BMPER: variants seen among roughly 807,000 people sequenced by gnomAD.
The protein encoded by BMPER is BMP-binding endothelial regulator protein.
Under a neutral mutation model 87.3 loss-of-function variants are expected in BMPER, and 45 were observed. That is an observed-to-expected ratio of 0.52 (90% CI 0.41 to 0.66). The LOEUF (loss-of-function observed/expected upper bound fraction) is 0.66. Among genes scored for constraint, BMPER ranks in the 30% least tolerant of loss-of-function variants. The probability of loss-of-function intolerance (pLI) is 0.00; values close to 1 mark genes in which losing one functional copy is unlikely to be tolerated. For missense variants in BMPER, 784 were observed against 867.5 expected (o/e 0.90, Z 1.21); for synonymous variants, 326 against 316.2 (o/e 1.03, Z -0.33).
intron 13 of BMPER, among the ~76,000 whole-genome samples, chr7:34,117,692 T>C (rs1790152875): frequency 6.6e-6 from 1 of 152,186 alleles, no homozygotes; most frequent in South Asian, 2.1e-4. Flanking sequence ...CTCTGAAAAG[T>C]TTTTGCGTAG....
chr7:34,113,977 G>A (rs760194005), intron 13 of BMPER, among the ~76,000 whole-genome samples: 1 of 152,232 alleles, frequency 6.6e-6, no homozygotes, highest in South Asian at 2.1e-4. Flanking sequence ...TATTGGTGCC[G>A]TCTTCTCTCT....
intron 13 of BMPER, among the ~76,000 whole-genome samples, chr7:34,105,892 C>A (rs1477849632): frequency 1.3e-5 from 2 of 152,178 alleles, no homozygotes; most frequent in Non-Finnish European, 2.9e-5. Context: ...CCCAAGGTGG[C>A]CCAGTCTATT....
Position 34,014,616 on chromosome 7 carries a change from T to C in BMPER, c.577-31690T>C, listed in dbSNP as rs190630285. Among the ~76,000 whole-genome samples, 301 of 151,974 alleles carry C rather than the reference T, an allele frequency of 2.0e-3. 1 individual carries two copies. Among genetic ancestry groups the C allele is most frequent in the African/African-American group, 6.2e-3 (259 of 41,506 alleles). ...CAGGACCGTGGAGTGTGGAATTTCCTCCCCATCTGGGGAGATTCAGGCCCT... is the reference window on the plus strand; with the variant it reads ...CAGGACCGTGGAGTGTGGAATTTCCCCCCCATCTGGGGAGATTCAGGCCCT... On this transcript the variant is annotated intron_variant, in intron 6 of 14. Coordinates refer to ENST00000649409, the MANE Select transcript of BMPER (RefSeq NM_001365308.1).
At chr7:33,968,433 C>T (rs565473369) in intron 4 of BMPER, among the ~76,000 whole-genome samples, 1 of 152,290 alleles carries the variant, frequency 6.6e-6, no homozygotes, top group South Asian at 2.1e-4. Flanking sequence ...CTTCTTGCTT[C>T]TCTGCAGAAT....
At chr7:33,986,172 A>C (rs568904137) in intron 6 of BMPER, among the ~76,000 whole-genome samples, 5 of 152,082 alleles carry the variant, frequency 3.3e-5, no homozygotes, top group African/African-American at 9.7e-5. Flanking sequence ...TCTCATACTC[A>C]TGGCTCTGCA....
intron 13 of BMPER, among the ~76,000 whole-genome samples, chr7:34,113,954 C>T (rs1431468943): frequency 6.6e-6 from 1 of 152,140 alleles, no homozygotes; most frequent in East Asian, 1.9e-4. Flanking sequence ...ACAACTGTTC[C>T]TGTGATTGAG....
At chr7:34,102,074 C>T (rs1338880881) in intron 13 of BMPER, among the ~76,000 whole-genome samples, 2 of 152,082 alleles carry the variant, frequency 1.3e-5, no homozygotes, top group African/African-American at 4.8e-5. Flanking sequence ...ACTGAAAAGC[C>T]AGGGCGAATT....
chr7:34,100,412 G>A (rs1336372638), intron 13 of BMPER, among the ~76,000 whole-genome samples: 1 of 152,150 alleles, frequency 6.6e-6, no homozygotes, highest in Non-Finnish European at 1.5e-5. Flanking sequence ...GTAGGAGGCA[G>A]TTGGCCCAGA....
intron 3 of BMPER, among the ~76,000 whole-genome samples, chr7:33,964,189 TC>T (rs1384253254): frequency 6.6e-6 from 1 of 152,150 alleles, no homozygotes; most frequent in African/African-American, 2.4e-5. Context: ...GAATGTCCTT[TC>T]TTTAATTATC....
chr7:33,928,119 C>A (rs1345740003), intron 2 of BMPER, among the ~76,000 whole-genome samples: 2 of 152,142 alleles, frequency 1.3e-5, no homozygotes, highest in African/African-American at 4.8e-5. Context: ...CGACCCCATC[C>A]CACATCCCAG....
intron 14 of BMPER, among the ~76,000 whole-genome samples, chr7:34,146,195 CTT>C (rs772598393): frequency 2.6e-5 from 4 of 152,148 alleles, no homozygotes; most frequent in Non-Finnish European, 5.9e-5. Context: ...TAAAAGCCCT[CTT>C]TACTTGTTTT....
In BMPER at chr7:33,987,963, G is replaced by A. The variant is rs186517081; in HGVS notation, c.576+13179G>A. ...ATATAAATGTGTAATGTAGTCAAGCGTTAACAAAAGCAGTTACTCATTATG... is the reference window on the plus strand; with the variant it reads ...ATATAAATGTGTAATGTAGTCAAGCATTAACAAAAGCAGTTACTCATTATG... On this transcript the variant is annotated intron_variant, in intron 6 of 14. Transcript: ENST00000649409. 7.9e-5 allele frequency among the ~76,000 whole-genome samples: 12 copies of A among 152,168 alleles called. No individual in the cohort carries two copies. In the East Asian group the frequency reaches 1.5e-3, roughly 20 times the overall value.
At chr7:34,032,339 T>G (rs2127951747) in intron 6 of BMPER, among the ~76,000 whole-genome samples, 1 of 152,224 alleles carries the variant, frequency 6.6e-6, no homozygotes, top group Admixed American at 6.6e-5. Flanking sequence ...GCCATAGATC[T>G]TCTCGTGTCA....
rs760045733 is a variant in BMPER, at chr7:34,055,208, T to G, written c.832T>G (p.Cys278Gly). 12 of 1,614,054 alleles carry G rather than the reference T, an allele frequency of 7.4e-6. No individual in the cohort carries two copies. The South Asian group carries it at 9.9e-5, about 13-fold the overall frequency. ...CKRKCSHPGG[C>G]DQGQEGCCEE... ...GAGGAAGTGCTCCCACCCTGGTGGC[T>G]GTGACCAAGGCCAGGAGGGCTGTTG... is the stretch of plus-strand genomic sequence containing the variant. The change falls in exon 9 of 15, where the codon TGT (cysteine) becomes GGT (glycine). Residue 278 changes from cysteine to glycine, a missense_variant. Coordinates refer to ENST00000649409, the MANE Select transcript of BMPER (RefSeq NM_001365308.1).
At chr7:34,031,883 C>CATATATAT (rs757962483) in intron 6 of BMPER, among the ~76,000 whole-genome samples, 2 of 53,068 alleles carry the variant, frequency 3.8e-5, no homozygotes, top group African/African-American at 6.6e-5. Context: ...TTAATTTGAC[C>CATATATAT]ATATATATAT....
At chr7:34,138,951 G>A (rs550067537) in intron 13 of BMPER, among the ~76,000 whole-genome samples, 1 of 152,282 alleles carries the variant, frequency 6.6e-6, no homozygotes, top group South Asian at 2.1e-4. Flanking sequence ...GAATATAAAT[G>A]TAGACTATGG....
At chr7:33,997,880 A>G (rs140880459) in intron 6 of BMPER, among the ~76,000 whole-genome samples, 23 of 152,278 alleles carry the variant, frequency 1.5e-4, no homozygotes, top group African/African-American at 5.3e-4. Flanking sequence ...CGTTTTTCCT[A>G]TTAAAATGGT....
At chr7:33,984,793 A>C (rs1484946740) in intron 6 of BMPER, among the ~76,000 whole-genome samples, 1 of 152,210 alleles carries the variant, frequency 6.6e-6, no homozygotes, top group African/African-American at 2.4e-5. Context: ...AGAAAAGATC[A>C]TTCCTTTAAT....
intron 6 of BMPER, among the ~76,000 whole-genome samples, chr7:34,014,899 C>A (rs904989162): frequency 5.3e-5 from 8 of 151,830 alleles, no homozygotes; most frequent in African/African-American, 1.9e-4. Context: ...GTGTTTCCCT[C>A]GTTTTAAAAG....
Sources: allele counts gnomAD v4.1 joint callset (sites outside exome capture counted in the v4.1 genomes callset), GRCh38; gene constraint gnomAD v4.1.1; transcripts MANE v1.5; gene names NCBI Gene and HGNC (gene_info 2026-07-23, HGNC 2026-07-21).